MAGI2: variants seen among roughly 807,000 people sequenced by gnomAD.
MAGI2 encodes membrane-associated guanylate kinase, WW and PDZ domain-containing protein 2.
In MAGI2, 35 loss-of-function variants were observed where a neutral mutation model predicts 133.3. The observed-to-expected ratio is 0.26, with a 90% confidence interval of 0.20 to 0.35. The LOEUF (loss-of-function observed/expected upper bound fraction) is 0.35. Among genes scored for constraint, MAGI2 ranks in the 10% least tolerant of loss-of-function variants. MAGI2 has a pLI of 1.00. For synonymous variants in MAGI2, 729 were observed against 710.6 expected, an observed-to-expected ratio of 1.03 and a Z score of -0.41; for missense variants, 1,636 against 1,863.4, an observed-to-expected ratio of 0.88 and a Z score of 2.25.
intron 10 of MAGI2, among the ~76,000 whole-genome samples, chr7:78,208,364 T>G (rs771386458): frequency 7.2e-5 from 11 of 152,258 alleles, no homozygotes; most frequent in Non-Finnish European, 1.3e-4. Context: ...TATTGTCTTC[T>G]GATAAACTCA....
intron 1 of MAGI2, among the ~76,000 whole-genome samples, chr7:79,399,159 A>G (rs1279770439): frequency 3.4e-5 from 5 of 146,330 alleles, no homozygotes; most frequent in African/African-American, 7.8e-5. Context: ...CAGAGGCACA[A>G]TCTTGGCTCA....
chr7:79,005,541 A>G (rs1212186033), intron 2 of MAGI2, among the ~76,000 whole-genome samples: 1 of 152,230 alleles, frequency 6.6e-6, no homozygotes, highest in Non-Finnish European at 1.5e-5. Flanking sequence ...TATTTAATTA[A>G]GACTTTCTTA....
chr7:79,204,122 C>A (rs1343634424), intron 1 of MAGI2, among the ~76,000 whole-genome samples: 1 of 152,068 alleles, frequency 6.6e-6, no homozygotes, highest in Non-Finnish European at 1.5e-5. Context: ...CAAAACTTTA[C>A]CTTGGATACT....
At chr7:79,062,881 G>C (rs569651777) in intron 1 of MAGI2, among the ~76,000 whole-genome samples, 9 of 152,062 alleles carry the variant, frequency 5.9e-5, no homozygotes, top group Non-Finnish European at 1.2e-4. Flanking sequence ...GAAGCATGTA[G>C]TTCAACTCTG....
chr7:78,906,942 G>A (rs1050664042), intron 2 of MAGI2, among the ~76,000 whole-genome samples: 6 of 151,492 alleles, frequency 4.0e-5, no homozygotes, highest in African/African-American at 1.5e-4. Context: ...GCTTAAGCAG[G>A]GCTGAGTGTT....
At chr7:79,084,165 A>C (rs1246598284) in intron 1 of MAGI2, among the ~76,000 whole-genome samples, 1 of 151,490 alleles carries the variant, frequency 6.6e-6, no homozygotes, top group Admixed American at 6.6e-5. Context: ...TTGCACTCTA[A>C]TGTTCATTAG....
intron 1 of MAGI2, among the ~76,000 whole-genome samples, chr7:79,214,405 C>CTATATATA (rs1563003417): frequency 2.6e-4 from 8 of 30,514 alleles, no homozygotes; most frequent in Admixed American, 1.2e-3. Context: ...CTCTCTCTCT[C>CTATATATA]TCTATATATA....
At chr7:78,536,134 A>T (rs1797889034) in intron 3 of MAGI2, among the ~76,000 whole-genome samples, 2 of 47,360 alleles carry the variant, frequency 4.2e-5, no homozygotes, top group African/African-American at 1.1e-4. Context: ...TTTTTTTGAG[A>T]CGGAGTCTCG....
chr7:78,167,803 C>G (rs1391801274), intron 15 of MAGI2, 113 bp downstream of exon 15: 4 of 960,418 alleles, frequency 4.2e-6, no homozygotes, highest in East Asian at 2.4e-5. Context: ...TGTTTCCTTC[C>G]TCATATAATG....
chr7:78,110,005 C>A (rs955744448), intron 20 of MAGI2, among the ~76,000 whole-genome samples: 1 of 152,104 alleles, frequency 6.6e-6, no homozygotes, highest in South Asian at 2.1e-4. Flanking sequence ...GGCCTGAGCA[C>A]GCCCCCTAGT....
chr7:78,983,304 T>A (rs1019539617), intron 2 of MAGI2, among the ~76,000 whole-genome samples: 1 of 151,976 alleles, frequency 6.6e-6, no homozygotes, highest in Non-Finnish European at 1.5e-5. Flanking sequence ...GGTAAATACA[T>A]GTGCTTTTAT....
chr7:78,780,800 AGTAAACTT>A (rs745801950), intron 2 of MAGI2, among the ~76,000 whole-genome samples: 6 of 152,240 alleles, frequency 3.9e-5, no homozygotes, highest in Non-Finnish European at 8.8e-5. Context: ...AGAAAGGGAA[AGTAAACTT>A]TCCTATGGCC....
chr7:78,053,767 A>G (rs973806022), intron 21 of MAGI2, among the ~76,000 whole-genome samples: 1 of 152,190 alleles, frequency 6.6e-6, no homozygotes, highest in Non-Finnish European at 1.5e-5. Context: ...TCAGGTAGAG[A>G]AGGATGACAA....
intron 4 of MAGI2, among the ~76,000 whole-genome samples, chr7:78,513,344 A>G (rs2150563728): frequency 6.6e-6 from 1 of 152,344 alleles, no homozygotes; most frequent in South Asian, 2.1e-4. Flanking sequence ...TCCCATTGAT[A>G]GAGTCATGTA....
intron 2 of MAGI2, among the ~76,000 whole-genome samples, chr7:78,712,497 G>A (rs923223916): frequency 6.6e-6 from 1 of 152,186 alleles, no homozygotes; most frequent in Non-Finnish European, 1.5e-5. Context: ...GCAAGCTAAC[G>A]CTGCAGTATC....
At chr7:78,890,073 A>G (rs560374766) in intron 2 of MAGI2, among the ~76,000 whole-genome samples, 1 of 152,324 alleles carries the variant, frequency 6.6e-6, no homozygotes, top group East Asian at 1.9e-4. Flanking sequence ...CAGTGGTTGC[A>G]ATCCTAATCT....
intron 3 of MAGI2, among the ~76,000 whole-genome samples, chr7:78,608,412 G>A (rs1272921074): frequency 6.6e-6 from 1 of 151,220 alleles, no homozygotes; most frequent in Non-Finnish European, 1.5e-5. Flanking sequence ...ACTTTGCAAG[G>A]TTTTTGTGGC....
At chr7:78,993,789 A>G (rs575153921) in intron 2 of MAGI2, among the ~76,000 whole-genome samples, 7 of 152,122 alleles carry the variant, frequency 4.6e-5, no homozygotes, top group African/African-American at 1.7e-4. Context: ...ATAACACATT[A>G]CTTATACTGT....
intron 2 of MAGI2, among the ~76,000 whole-genome samples, chr7:78,747,591 T>C (rs546667087): frequency 6.6e-6 from 1 of 152,196 alleles, no homozygotes; most frequent in Non-Finnish European, 1.5e-5. Flanking sequence ...ATCCTAATAC[T>C]GCTCCTCAGT....
Sources: allele counts gnomAD v4.1 joint callset (sites outside exome capture counted in the v4.1 genomes callset), GRCh38; gene constraint gnomAD v4.1.1; transcripts MANE v1.5; gene names NCBI Gene and HGNC (gene_info 2026-07-23, HGNC 2026-07-21).